The following SYN2 variants were observed in gnomAD, a reference collection of about 807,000 sequenced individuals.
The protein encoded by SYN2 is synapsin II, also known as synapsin-2.
SYN2 carries 19 observed loss-of-function variants against 50.9 expected under a neutral mutation model. The ratio of observed to expected loss-of-function variants is 0.37; its 90% CI spans 0.26 to 0.55. SYN2 has a LOEUF of 0.55. Among genes scored for constraint, SYN2 ranks in the 20% least tolerant of loss-of-function variants. The pLI is 0.81. For missense variants in SYN2, 587 were observed against 576.4 expected (o/e 1.02, Z -0.19); for synonymous variants, 255 against 224.9 (o/e 1.13, Z -1.20).
At chr3:12,028,021 T>TCCC (rs376765836) in intron 1 of SYN2, among the ~76,000 whole-genome samples, 2 of 62,046 alleles carry the variant, frequency 3.2e-5, no homozygotes, top group African/African-American at 6.3e-5. Flanking sequence ...ATTTTTTCTT[T>TCCC]CCCTCCCCCC....
intron 1 of SYN2, among the ~76,000 whole-genome samples, chr3:12,068,767 T>C (rs1278977497): frequency 2.0e-5 from 3 of 152,222 alleles, no homozygotes; most frequent in African/African-American, 7.2e-5. Context: ...GATATTGTTT[T>C]CTCTCTTTAA....
intron 3 of SYN2, among the ~76,000 whole-genome samples, chr3:12,144,219 T>C (rs1400889992): frequency 6.6e-6 from 1 of 152,198 alleles, no homozygotes; most frequent in Non-Finnish European, 1.5e-5. Flanking sequence ...CGCAGGAGCT[T>C]TCCCATGCAT....
chr3:12,012,713 G>A (rs1289629412), intron 1 of SYN2, among the ~76,000 whole-genome samples: 3 of 152,224 alleles, frequency 2.0e-5, no homozygotes, highest in East Asian at 1.9e-4. Context: ...TTCATTCTCC[G>A]AGGATAAAGG....
rs546728294 is a variant in SYN2, at chr3:12,128,628, A to G, written c.378-12023A>G. Among the ~76,000 whole-genome samples, 14 of 152,354 alleles carry G rather than the reference A, an allele frequency of 9.2e-5. No individual in the cohort carries two copies. In the East Asian group the frequency reaches 2.1e-3, roughly 23 times the overall value. On this transcript the variant is annotated intron_variant, in intron 1 of 12. Coordinates refer to ENST00000621198, the MANE Select transcript of SYN2 (RefSeq NM_133625.6). ...TAAATACTTCAGTAATTGTTGACTT[A>G]TACCTAAAATAGAACATTAAGGTGG...
intron 4 of SYN2, chr3:12,148,453 G>A (rs1697203997): frequency 6.6e-6 from 1 of 152,304 alleles, no homozygotes; most frequent in Non-Finnish European, 1.5e-5. Context: ...TGATGACTTT[G>A]GGTTGTGTTT....
At chr3:12,127,915 A>C (rs1032873467) in intron 1 of SYN2, among the ~76,000 whole-genome samples, 5 of 152,192 alleles carry the variant, frequency 3.3e-5, no homozygotes, top group Non-Finnish European at 2.9e-5. Flanking sequence ...TGATAAAAAT[A>C]AAACTCCCTT....
At chr3:12,114,938 C>T (rs1360861538) in intron 1 of SYN2, among the ~76,000 whole-genome samples, 1 of 152,134 alleles carries the variant, frequency 6.6e-6, no homozygotes, top group South Asian at 2.1e-4. Flanking sequence ...ACTTTCTGTT[C>T]TGTCACCCCG....
At chr3:12,157,180 G>A (rs1472590304) in intron 5 of SYN2, among the ~76,000 whole-genome samples, 1 of 152,120 alleles carries the variant, frequency 6.6e-6, no homozygotes. Flanking sequence ...GCAGCTGTGG[G>A]ACCAGATGGA....
At chr3:12,153,817 CT>C (rs982060267) in intron 5 of SYN2, 21 of 1,248,524 alleles carry the variant, frequency 1.7e-5, no homozygotes, top group Non-Finnish European at 2.2e-5. Flanking sequence ...CAAATGCCCC[CT>C]ATCTTATCAA....
intron 1 of SYN2, among the ~76,000 whole-genome samples, chr3:12,068,197 T>C (rs984991021): frequency 5.1e-4 from 76 of 149,504 alleles, no homozygotes; most frequent in African/African-American, 1.8e-3. Flanking sequence ...TGAAAAAAGC[T>C]CAACCTTTCA....
intron 8 of SYN2, 135 bp downstream of exon 8, chr3:12,167,443 T>G: frequency 1.3e-6 from 1 of 787,710 alleles, no homozygotes; most frequent in Non-Finnish European, 2.1e-6. Context: ...AAGGCCCAAG[T>G]AGCCCATTTA....
intron 1 of SYN2, among the ~76,000 whole-genome samples, chr3:12,019,181 G>A (rs553143883): frequency 6.6e-6 from 1 of 152,318 alleles, no homozygotes; most frequent in African/African-American, 2.4e-5. Context: ...TTTAGATGCT[G>A]AAATGGGGGA....
At chr3:12,106,290 C>G (rs2125192709) in intron 1 of SYN2, among the ~76,000 whole-genome samples, 1 of 152,290 alleles carries the variant, frequency 6.6e-6, no homozygotes, top group Non-Finnish European at 1.5e-5. Flanking sequence ...CTGGAGAAAA[C>G]TCTCTGCTTT....
chr3:12,013,455 A>T (rs999080457), intron 1 of SYN2, among the ~76,000 whole-genome samples: 1 of 152,122 alleles, frequency 6.6e-6, no homozygotes, highest in Non-Finnish European at 1.5e-5. Flanking sequence ...AAGTACAATC[A>T]GTTCCCTAAT....
intron 1 of SYN2, among the ~76,000 whole-genome samples, chr3:12,017,632 A>G (rs1694051202): frequency 6.6e-6 from 1 of 152,250 alleles, no homozygotes; most frequent in Non-Finnish European, 1.5e-5. Flanking sequence ...AATTGAAATA[A>G]ACCTTGAAAA....
intron 1 of SYN2, among the ~76,000 whole-genome samples, chr3:12,110,110 G>T (rs368661301): frequency 6.6e-6 from 1 of 152,150 alleles, no homozygotes. Context: ...GGTTGCTTGA[G>T]CCCAGGGTTC....
At chr3:12,185,959 G>T (rs768074855) in intron 11 of SYN2, among the ~76,000 whole-genome samples, 16 of 152,144 alleles carry the variant, frequency 1.1e-4, no homozygotes, top group Non-Finnish European at 1.6e-4. Flanking sequence ...TCTTAAACCT[G>T]CAGAATTCCA....
At chr3:12,103,720 A>G (rs1214843871) in intron 1 of SYN2, among the ~76,000 whole-genome samples, 4 of 152,170 alleles carry the variant, frequency 2.6e-5, no homozygotes, top group Non-Finnish European at 5.9e-5. Context: ...TTCAAGAATA[A>G]CCCCTGAAAG....
In SYN2 at chr3:12,070,970, G is replaced by A. The variant is rs1345047546; in HGVS notation, c.377+66042G>A. 4 of 547,906 alleles carry A rather than the reference G, an allele frequency of 7.3e-6. No individual in the cohort carries two copies. The East Asian group carries it at 1.9e-4, about 26-fold the overall frequency. The allele number at this position is 547,906 out of a possible 1,614,324, so 33.9% of individuals were successfully genotyped here. A position where few individuals can be genotyped will look rare whatever the true frequency, so the allele number is the denominator to read the frequency against. On this transcript the variant is annotated intron_variant, in intron 1 of 12. Transcript: ENST00000621198. ...GAGAAGAGCTAGGAGCTGCCTGACA[G>A]CCTGGTCATCACCATTGGCAACAAG...
Sources: allele counts gnomAD v4.1 joint callset (sites outside exome capture counted in the v4.1 genomes callset), GRCh38; gene constraint gnomAD v4.1.1; transcripts MANE v1.5; gene names NCBI Gene and HGNC (gene_info 2026-07-23, HGNC 2026-07-21).